Variants in IFT80 observed in about 807,000 individuals in gnomAD.
IFT80 encodes the protein intraflagellar transport 80.
IFT80 carries 79 observed loss-of-function variants against 107.9 expected under a neutral mutation model. The ratio of observed to expected loss-of-function variants is 0.73; its 90% CI spans 0.61 to 0.88. The LOEUF is 0.88. Ranked by LOEUF, IFT80 falls within the 40% of genes least tolerant of loss-of-function variation. IFT80 has a pLI of 0.00. For missense variants in IFT80, 797 were observed against 914.2 expected (o/e 0.87, Z 1.65); for synonymous variants, 299 against 300.9 (o/e 0.99, Z 0.07).
At chr3:160,395,277 C>T (rs1713687025) in intron 1 of IFT80, among the ~76,000 whole-genome samples, 1 of 152,086 alleles carries the variant, frequency 6.6e-6, no homozygotes, top group Admixed American at 6.5e-5. Flanking sequence ...TAAAATGAGG[C>T]TAATAATACC....
rs1016886232 is a variant in IFT80, at chr3:160,398,534, T to C, written c.-47+612A>G. ...AGGAGCAAGTATGAGATTCTGATTATAAAGTTGTAGGAAAACTAACTTCCC... is the reference window on the plus strand; with the variant it reads ...AGGAGCAAGTATGAGATTCTGATTACAAAGTTGTAGGAAAACTAACTTCCC... On this transcript the variant is annotated intron_variant, in intron 1 of 19. Transcript: ENST00000326448. Among the ~76,000 whole-genome samples, 7 of 152,336 alleles carry C rather than the reference T, an allele frequency of 4.6e-5. No homozygotes were observed. In the South Asian group the frequency reaches 6.2e-4, roughly 14 times the overall value.
At chr3:160,391,395 C>T (rs555220225) in intron 1 of IFT80, among the ~76,000 whole-genome samples, 4 of 152,152 alleles carry the variant, frequency 2.6e-5, no homozygotes, top group South Asian at 2.1e-4. Flanking sequence ...TAAAATTGCC[C>T]GGCACAGTGG....
intron 1 of IFT80, among the ~76,000 whole-genome samples, chr3:160,386,713 T>C (rs1403181986): frequency 6.6e-6 from 1 of 152,136 alleles, no homozygotes; most frequent in African/African-American, 2.4e-5. Context: ...TGCAGTGGCC[T>C]CAAAATTGAT....
rs1721073141 is a variant in IFT80 at position 160,356,141 on chromosome 3, T to C, written c.649A>G (p.Ser217Gly). 1 of 1,613,238 alleles carries C rather than the reference T, an allele frequency of 6.2e-7. No homozygotes were observed. The highest frequency in any genetic ancestry group is 1.3e-5 in the African/African-American group (1 of 74,936). The change falls in exon 8 of 20, where the codon AGT (serine) becomes GGT (glycine). Residue 217 changes from serine to glycine, a missense_variant. Ser to Gly is a moderately conservative substitution (Grantham distance 56, BLOSUM62 0). Coordinates refer to ENST00000326448, the MANE Select transcript of IFT80 (RefSeq NM_020800.3). ...GEDCKYKVWD[S>G]YGRPLYNSQP... is the part of the protein sequence containing the mutation. ...GAATTGTACAGTGGGCGGCCGTAAC[T>C]ATCCCATACCTACAAAAGCAATTTT...
At chr3:160,363,124 A>T (rs993580400) in intron 6 of IFT80, among the ~76,000 whole-genome samples, 1 of 152,160 alleles carries the variant, frequency 6.6e-6, no homozygotes, top group African/African-American at 2.4e-5. Context: ...AAACCCCATT[A>T]TCTCAGCCCA....
At chr3:160,320,180 C>A in intron 8 of IFT80, 2 of 427,008 alleles carry the variant, frequency 4.7e-6, no homozygotes, top group South Asian at 4.1e-5. Context: ...GTAAAAAACC[C>A]ACATCATCTC....
chr3:160,284,670 G>T (rs1247765199), intron 13 of IFT80, among the ~76,000 whole-genome samples: 1 of 152,122 alleles, frequency 6.6e-6, no homozygotes, highest in Non-Finnish European at 1.5e-5. Flanking sequence ...AATACTAACG[G>T]CAAAAGATTG....
intron 15 of IFT80, 85 bp downstream of exon 15, chr3:160,280,582 C>T: frequency 8.7e-7 from 1 of 1,152,952 alleles, no homozygotes; most frequent in East Asian, 2.4e-5. Context: ...AAACACCTTG[C>T]AGGATTGAAA....
chr3:160,352,666 G>T (rs1164691581), intron 8 of IFT80, among the ~76,000 whole-genome samples: 1 of 152,126 alleles, frequency 6.6e-6, no homozygotes, highest in Non-Finnish European at 1.5e-5. Context: ...ATACCCAGGT[G>T]ATGCTTATGA....
At chr3:160,266,974 T>A (rs144558171) in intron 19 of IFT80, among the ~76,000 whole-genome samples, 276 of 152,202 alleles carry the variant, frequency 1.8e-3, no homozygotes, top group Middle Eastern at 3.4e-3. Context: ...GCTGTGTTTG[T>A]CCTAATAGTA....
Position 160,280,390 on chromosome 3 carries a change from TG to T in IFT80, c.1664+276del, listed in dbSNP as rs143682094. Among the ~76,000 whole-genome samples the T allele has an allele frequency of 5.5e-3, 844 of 152,276 alleles. 14 individuals are homozygous for T. Among genetic ancestry groups the T allele is most frequent in the African/African-American group, 0.019 (785 of 41,548 alleles). On this transcript the variant is annotated intron_variant, in intron 15 of 19. Transcript: ENST00000326448. ...AAAGAGTGCCTAGACTAAAATCACT[TG>T]ATCACACTGAGAAAACTACCTGAGC...
intron 8 of IFT80, among the ~76,000 whole-genome samples, chr3:160,335,952 T>C (rs1299859937): frequency 6.6e-6 from 1 of 152,222 alleles, no homozygotes; most frequent in Non-Finnish European, 1.5e-5. Flanking sequence ...CATGTTTGTT[T>C]TCAGGGTTCA....
chr3:160,296,071 C>T (rs1220521090), intron 12 of IFT80, among the ~76,000 whole-genome samples: 1 of 152,162 alleles, frequency 6.6e-6, no homozygotes, highest in East Asian at 1.9e-4. Flanking sequence ...CAGGTATCTG[C>T]TGTCTAACAT....
chr3:160,388,744 T>C (rs1298466944), intron 1 of IFT80, among the ~76,000 whole-genome samples: 2 of 152,090 alleles, frequency 1.3e-5, no homozygotes, highest in Non-Finnish European at 2.9e-5. Flanking sequence ...AGGACAATTA[T>C]TCTGGATCAT....
chr3:160,306,756 GTTAT>G (rs1482615595), intron 10 of IFT80, among the ~76,000 whole-genome samples: 1 of 152,124 alleles, frequency 6.6e-6, no homozygotes, highest in African/African-American at 2.4e-5. Context: ...TGTAGCAGTT[GTTAT>G]TTAAGTTAAA....
chr3:160,382,707 T>G (rs1483109304), intron 2 of IFT80, among the ~76,000 whole-genome samples: 1 of 152,222 alleles, frequency 6.6e-6, no homozygotes, highest in Non-Finnish European at 1.5e-5. Context: ...ATCCTTTTAT[T>G]TCCTTCTTTT....
intron 16 of IFT80, among the ~76,000 whole-genome samples, chr3:160,278,461 C>T (rs1164655771): frequency 6.6e-6 from 1 of 152,228 alleles, no homozygotes; most frequent in African/African-American, 2.4e-5. Context: ...ACGGCCTCCT[C>T]AAGCCTGCCT....
intron 8 of IFT80, among the ~76,000 whole-genome samples, chr3:160,334,062 G>A (rs62272188): frequency 0.042 from 6,367 of 152,130 alleles, 216 homozygotes; most frequent in Middle Eastern, 0.078. Context: ...TATCATATAT[G>A]CAGTCTGTCA....
chr3:160,293,029 C>A (rs368022714), intron 12 of IFT80, among the ~76,000 whole-genome samples: 4 of 152,006 alleles, frequency 2.6e-5, no homozygotes, highest in African/African-American at 4.8e-5. Context: ...TGGCTGGTAG[C>A]GGAAATAGCC....
Sources: allele counts gnomAD v4.1 joint callset (sites outside exome capture counted in the v4.1 genomes callset), GRCh38; gene constraint gnomAD v4.1.1; transcripts MANE v1.5; gene names NCBI Gene and HGNC (gene_info 2026-07-23, HGNC 2026-07-21).